The following NLRP5 variants were observed in gnomAD, a reference collection of about 807,000 sequenced individuals.
NLRP5 encodes NACHT, LRR and PYD domains-containing protein 5.
In NLRP5, 93 loss-of-function variants were observed where a neutral mutation model predicts 113.1. The observed-to-expected ratio is 0.82, with a 90% CI of 0.70 to 0.98. The LOEUF is 0.98. NLRP5 is among the 50% of genes least tolerant of loss of function. The pLI is 0.00. For missense variants in NLRP5, 1,808 were observed against 1,514.3 expected (o/e 1.19, Z -3.22); for synonymous variants, 751 against 600.7 (o/e 1.25, Z -3.66).
chr19:56,022,951 C>T (rs1469296699), intron 6 of NLRP5, among the ~76,000 whole-genome samples: 2 of 152,156 alleles, frequency 1.3e-5, no homozygotes, highest in Admixed American at 1.3e-4. Flanking sequence ...GTCTCGAACT[C>T]TCAACCTCAG....
intron 2 of NLRP5, among the ~76,000 whole-genome samples, chr19:56,005,544 G>C (rs1981865179): frequency 6.9e-6 from 1 of 144,708 alleles, no homozygotes; most frequent in Admixed American, 7.1e-5. Context: ...ACACACGCAG[G>C]TGGCATGCCT....
chr19:56,009,418 G>A (rs1438256897), intron 3 of NLRP5, among the ~76,000 whole-genome samples: 1 of 149,802 alleles, frequency 6.7e-6, no homozygotes, highest in Non-Finnish European at 1.5e-5. Flanking sequence ...TCTTCAGTTT[G>A]GGTAACCTTA....
rs143616370 is a variant in NLRP5 at position 56,056,029 on chromosome 19, G to A, written c.3300-2211G>A. 8.4e-3 allele frequency among the ~76,000 whole-genome samples: 1,275 copies of A among 152,208 alleles called. 9 individuals carry two copies. Among genetic ancestry groups the A allele is most frequent in the Non-Finnish European group, 0.012 (824 of 68,022 alleles). The stretch of plus-strand genomic sequence containing the variant: ...TTGTGTGCAGTCAGGGATCATGGAT[G>A]TAAATTTGTTTTCCCAGCATTAGTT... On this transcript the variant is annotated intron_variant, in intron 13 of 14. Transcript: ENST00000390649.
intron 1 of NLRP5, among the ~76,000 whole-genome samples, chr19:56,001,069 C>G (rs1568479713): frequency 6.6e-6 from 1 of 151,730 alleles, no homozygotes; most frequent in East Asian, 1.9e-4. Context: ...TGCCTGTAAT[C>G]CCAACACTTT....
chr19:56,046,399 CGTGTGTGTGTGTGT>C lies in NLRP5; in HGVS notation c.2958-4008_2958-3995del, dbSNP rs139653516. ...CATCAAGGATATTGCTTTGTAGTTTCGTGTGTGTGTGTGTGTGTGTGTGTTTCTGTTACGTCCTT... is the reference window on the plus strand; with the variant it reads ...CATCAAGGATATTGCTTTGTAGTTTCGTGTGTGTGTTTCTGTTACGTCCTT... On this transcript the variant is annotated intron_variant, in intron 11 of 14. Transcript: ENST00000390649. Among the ~76,000 whole-genome samples, 644 of 148,180 alleles carry C rather than the reference CGTGTGTGTGTGTGT, an allele frequency of 4.3e-3. 3 individuals carry two copies. The highest frequency in any genetic ancestry group is 0.015 in the African/African-American group (611 of 40,424).
rs541869331 is a variant in NLRP5 at position 56,033,119 on chromosome 19, T to A, written c.2447+338T>A. On this transcript the variant is annotated intron_variant, in intron 8 of 14. Transcript: ENST00000390649. Reference sequence around the variant, plus strand: ...AAAAAAAATTAGCAGGGCATGGTGGTACGTGCCTGTAATCCCAGCTACTTG... The same window carrying A: ...AAAAAAAATTAGCAGGGCATGGTGGAACGTGCCTGTAATCCCAGCTACTTG... 7.2e-5 allele frequency among the ~76,000 whole-genome samples: 11 copies of A among 151,950 alleles called. No homozygotes were observed. In the East Asian group the frequency reaches 2.1e-3, roughly 29 times the overall value.
chr19:56,027,526 A>C lies in NLRP5; in HGVS notation c.1293A>C (p.Gly431=). The stretch of plus-strand genomic sequence containing the variant: ...CTCCCCGTTACCTGTTAGTTAGAGG[A>C]ATCTCCGGGGAACAAAGAATCCACT... The change falls in exon 7 of 15, where the codon GGA becomes GGC. Residue 431 remains glycine (G), a synonymous_variant. Transcript: ENST00000390649. 1.2e-6 allele frequency: 2 copies of C among 1,613,976 alleles called. No homozygotes were observed. Among genetic ancestry groups the C allele is most frequent in the Non-Finnish European group, 1.7e-6 (2 of 1,179,890 alleles).
intron 7 of NLRP5, among the ~76,000 whole-genome samples, chr19:56,031,752 G>A (rs999241138): frequency 3.3e-5 from 5 of 151,964 alleles, no homozygotes; most frequent in Admixed American, 1.3e-4. Context: ...ACGGTAGAAT[G>A]TCCTCCTCTA....
rs10404287 is a variant in NLRP5, at chr19:56,055,535, G to C, written c.3299+1727G>C. ...CTCCATGTTCTATTTTTCTTTCTCT[G>C]TCTTTTTTTTTTTTTTTTTTTTTTT... On this transcript the variant is annotated intron_variant, in intron 13 of 14. Coordinates refer to ENST00000390649, the MANE Select transcript of NLRP5 (RefSeq NM_153447.4). Among the ~76,000 whole-genome samples the C allele has an allele frequency of 4.0e-3, 221 of 55,762 alleles. 11 individuals carry two copies. Among genetic ancestry groups the C allele is most frequent in the East Asian group, 7.4e-3 (13 of 1,754 alleles). The allele number at this position is 55,762 out of a possible 152,430, so 36.6% of individuals were successfully genotyped here.
At chr19:56,047,519 A>C (rs1983773377) in intron 11 of NLRP5, among the ~76,000 whole-genome samples, 1 of 151,978 alleles carries the variant, frequency 6.6e-6, no homozygotes, top group Non-Finnish European at 1.5e-5. Context: ...TTTAATTTCC[A>C]CGTGTTTGCA....
At chr19:56,020,181 C>T (rs1300746703) in intron 5 of NLRP5, among the ~76,000 whole-genome samples, 194 bp from the exon 6 acceptor site, 2 of 151,894 alleles carry the variant, frequency 1.3e-5, no homozygotes, top group African/African-American at 2.4e-5. Context: ...AGAAATGAGC[C>T]TAGGACCCTC....
intron 12 of NLRP5, among the ~76,000 whole-genome samples, chr19:56,052,060 G>C (rs966470546): frequency 6.6e-5 from 10 of 152,136 alleles, no homozygotes; most frequent in Non-Finnish European, 1.5e-4. Context: ...TAAGTGCTGG[G>C]AGATTAACTG....
At chr19:56,055,763 T>C (rs868067226) in intron 13 of NLRP5, among the ~76,000 whole-genome samples, 5 of 151,856 alleles carry the variant, frequency 3.3e-5, no homozygotes, top group East Asian at 1.9e-4. Flanking sequence ...GCCAGGATGG[T>C]CTCAATCTCC....
chr19:56,000,219 C>T (rs1386094965), intron 1 of NLRP5, among the ~76,000 whole-genome samples: 3 of 152,142 alleles, frequency 2.0e-5, no homozygotes, highest in African/African-American at 4.8e-5. Context: ...GGACTGCCAC[C>T]TCTCCACTCT....
At chr19:56,026,525 C>A (rs1358037380) in intron 6 of NLRP5, among the ~76,000 whole-genome samples, 1 of 18,078 alleles carries the variant, frequency 5.5e-5, no homozygotes, top group Non-Finnish European at 1.4e-4. Context: ...AAGACTCCAT[C>A]TCAAAAAAAA....
At chr19:56,000,475 C>T (rs1981601117) in intron 1 of NLRP5, among the ~76,000 whole-genome samples, 1 of 152,018 alleles carries the variant, frequency 6.6e-6, no homozygotes, top group Non-Finnish European at 1.5e-5. Flanking sequence ...CACCATTCTC[C>T]TGCCTCAGCC....
upstream of NLRP5, among the ~76,000 whole-genome samples, chr19:55,996,980 C>A: frequency 6.6e-6 from 1 of 151,510 alleles, no homozygotes; most frequent in East Asian, 1.9e-4. Flanking sequence ...TATTTCTCCA[C>A]ATCCTCTCTA....
chr19:56,027,677 C>A lies in NLRP5; in HGVS notation c.1444C>A (p.Gln482Lys). The change falls in exon 7 of 15, where the codon CAG becomes AAG. Residue 482 changes from glutamine to lysine, a missense_variant. Transcript: ENST00000390649. ...GGGCTCTCTCATCTGCGTGGCCCTG[C>A]AGCTGCAGGACGTGGTGGGGGAGAG... 1.2e-6 allele frequency: 2 copies of A among 1,613,444 alleles called. No individual in the cohort carries two copies. The highest frequency in any genetic ancestry group is 1.7e-6 in the Non-Finnish European group (2 of 1,179,898).
At chr19:56,058,509 C>A in intron 14 of NLRP5, 99 bp downstream of exon 14, 1 of 1,060,618 alleles carries the variant, frequency 9.4e-7, no homozygotes, top group Non-Finnish European at 1.4e-6. Flanking sequence ...TGACGTCATA[C>A]CTTGGGAGCC....
Sources: gnomAD v4.1 joint callset for allele counts (sites outside exome capture counted in the v4.1 genomes callset) on GRCh38, gnomAD v4.1.1 for gene constraint, MANE v1.5 for transcripts, NCBI Gene and HGNC (gene_info 2026-07-23, HGNC 2026-07-21) for gene names.